The following CNTN5 variants were observed in gnomAD, a reference collection of about 807,000 sequenced individuals.
CNTN5 encodes the protein contactin 5.
CNTN5 carries 77 observed loss-of-function variants against 129.1 expected under a neutral mutation model. That is an observed-to-expected ratio of 0.60 (90% CI 0.50 to 0.72). The LOEUF (loss-of-function observed/expected upper bound fraction) is 0.72. Ranked by LOEUF, CNTN5 falls within the 30% of genes least tolerant of loss-of-function variation. The probability of loss-of-function intolerance (pLI) is 0.00; values close to 1 mark genes in which losing one functional copy is unlikely to be tolerated. For missense variants in CNTN5, 1,478 were observed against 1,328.8 expected (o/e 1.11, Z -1.75); for synonymous variants, 509 against 465.6 (o/e 1.09, Z -1.20).
intron 1 of CNTN5, among the ~76,000 whole-genome samples, chr11:99,079,990 T>C (rs1441135882): frequency 6.6e-6 from 1 of 152,198 alleles, no homozygotes; most frequent in Non-Finnish European, 1.5e-5. Context: ...AGGAACAGAG[T>C]ACTGTTATGC....
At chr11:99,526,697 G>A (rs937789662) in intron 2 of CNTN5, among the ~76,000 whole-genome samples, 7 of 152,202 alleles carry the variant, frequency 4.6e-5, no homozygotes, top group African/African-American at 1.7e-4. Context: ...TATACAAGGT[G>A]TGGCATCGAA....
chr11:100,074,346 C>G lies in CNTN5; in HGVS notation c.1580+52C>G, dbSNP rs1944043557. 2.8e-6 allele frequency: 4 copies of G among 1,414,986 alleles called. No individual in the cohort carries two copies. The South Asian group carries it at 3.8e-5, about 13-fold the overall frequency. The allele number at this position is 1,414,986 out of a possible 1,614,324, so 87.7% of individuals were successfully genotyped here. ...TCAACATTAGACTTTTTTGAGGTTACAGGTGACACACACAAACTATGCAAG... is the reference window on the plus strand; with the variant it reads ...TCAACATTAGACTTTTTTGAGGTTAGAGGTGACACACACAAACTATGCAAG... On this transcript the variant is annotated intron_variant, in intron 13 of 24. Coordinates refer to ENST00000524871, the MANE Select transcript of CNTN5 (RefSeq NM_014361.4).
intron 1 of CNTN5, among the ~76,000 whole-genome samples, chr11:99,090,509 C>A (rs1170923413): frequency 6.6e-6 from 1 of 151,990 alleles, no homozygotes; most frequent in African/African-American, 2.4e-5. Context: ...ATTTGCTTAT[C>A]AGATCATGTG....
intron 13 of CNTN5, among the ~76,000 whole-genome samples, chr11:100,135,726 A>G (rs1005776277): frequency 4.6e-5 from 7 of 152,154 alleles, no homozygotes; most frequent in African/African-American, 1.7e-4. Context: ...TATTGGTGAC[A>G]ATTTTAACTG....
chr11:99,475,796 T>C (rs1945348282), intron 2 of CNTN5, among the ~76,000 whole-genome samples: 1 of 151,954 alleles, frequency 6.6e-6, no homozygotes, highest in Non-Finnish European at 1.5e-5. Context: ...TTTTTTTTCG[T>C]TTTTGGATGG....
chr11:99,625,149 G>A (rs1376535892), intron 3 of CNTN5, among the ~76,000 whole-genome samples: 1 of 152,148 alleles, frequency 6.6e-6, no homozygotes, highest in Admixed American at 6.6e-5. Flanking sequence ...TAGATTAAGT[G>A]CCTTTTTCTT....
Position 99,096,985 on chromosome 11 carries a change from A to G in CNTN5, c.-210+75715A>G, listed in dbSNP as rs571174353. On this transcript the variant is annotated intron_variant, in intron 1 of 24. Coordinates refer to ENST00000524871, the MANE Select transcript of CNTN5 (RefSeq NM_014361.4). ...TATAAGAATTTAAAATCACAATCAT[A>G]TCTGTTGTGTATGTGTATACAGTGC... 3.9e-5 allele frequency among the ~76,000 whole-genome samples: 6 copies of G among 152,026 alleles called. No individual in the cohort carries two copies. The South Asian group carries it at 1.0e-3, about 26-fold the overall frequency.
chr11:99,141,477 G>C (rs1859511071), intron 1 of CNTN5, among the ~76,000 whole-genome samples: 1 of 151,842 alleles, frequency 6.6e-6, no homozygotes, highest in African/African-American at 2.4e-5. Context: ...GGATTTCATT[G>C]ATCTTTTGTA....
chr11:99,665,559 C>T (rs557655750), intron 3 of CNTN5, among the ~76,000 whole-genome samples: 1 of 140,632 alleles, frequency 7.1e-6, no homozygotes, highest in Non-Finnish European at 1.5e-5. Context: ...GATCTTGGCT[C>T]ACTGCAACCT....
At chr11:99,416,440 C>G (rs1591648683) in intron 2 of CNTN5, among the ~76,000 whole-genome samples, 2 of 152,094 alleles carry the variant, frequency 1.3e-5, no homozygotes, top group African/African-American at 4.8e-5. Context: ...ATCACCATGC[C>G]TGGCTAATTT....
At chr11:99,077,114 A>G (rs866233042) in intron 1 of CNTN5, among the ~76,000 whole-genome samples, 1 of 146,862 alleles carries the variant, frequency 6.8e-6, no homozygotes, top group Admixed American at 6.8e-5. Context: ...TATTGAGTTT[A>G]TGTGGTCTTC....
intron 1 of CNTN5, among the ~76,000 whole-genome samples, chr11:99,269,676 A>G (rs1206488100): frequency 1.3e-5 from 2 of 151,698 alleles, no homozygotes; most frequent in African/African-American, 4.8e-5. Flanking sequence ...TTTTCAATCT[A>G]GGAGTCTACA....
chr11:100,327,836 A>C (rs1238612362), intron 21 of CNTN5, among the ~76,000 whole-genome samples: 5 of 152,184 alleles, frequency 3.3e-5, no homozygotes, highest in African/African-American at 1.2e-4. Context: ...ATTAATAGAA[A>C]GACAAAATTT....
chr11:99,663,936 T>C (rs1952691119), intron 3 of CNTN5, among the ~76,000 whole-genome samples: 1 of 152,178 alleles, frequency 6.6e-6, no homozygotes. Flanking sequence ...TCAAAAATTA[T>C]TAATGGGGAA....
intron 3 of CNTN5, among the ~76,000 whole-genome samples, chr11:99,619,461 C>T (rs997842566): frequency 3.3e-5 from 5 of 152,030 alleles, no homozygotes; most frequent in Non-Finnish European, 7.4e-5. Flanking sequence ...TATAAAATTG[C>T]TTCCATTTCA....
chr11:100,287,865 C>T (rs1481889514), intron 18 of CNTN5, among the ~76,000 whole-genome samples: 2 of 152,128 alleles, frequency 1.3e-5, no homozygotes, highest in Non-Finnish European at 2.9e-5. Context: ...GGAAACCCAT[C>T]TCACGTGCAG....
rs980197434 is a variant in CNTN5 at position 100,308,348 on chromosome 11, C to A, written c.2621-11C>A. ...ACTTTTTATAATTGTGGTTTATTTTCCTTCATACAGAACCCAGTGCTGCTC... is the reference window on the plus strand; with the variant it reads ...ACTTTTTATAATTGTGGTTTATTTTACTTCATACAGAACCCAGTGCTGCTC... On this transcript the variant is annotated splice_polypyrimidine_tract_variant and intron_variant, in intron 20 of 24. Coordinates refer to ENST00000524871, the MANE Select transcript of CNTN5 (RefSeq NM_014361.4). 6.2e-7 allele frequency: 1 copy of A among 1,604,274 alleles called. No homozygotes were observed. The highest frequency in any genetic ancestry group is 1.7e-5 in the Admixed American group (1 of 58,314).
chr11:99,739,662 AG>A (rs1185608967), intron 3 of CNTN5, among the ~76,000 whole-genome samples: 2 of 152,130 alleles, frequency 1.3e-5, no homozygotes, highest in African/African-American at 4.8e-5. Context: ...ATTATACAAC[AG>A]TGCCCCCTGA....
intron 13 of CNTN5, among the ~76,000 whole-genome samples, chr11:100,185,323 G>T (rs1345931013): frequency 6.6e-6 from 1 of 151,836 alleles, no homozygotes. Flanking sequence ...TGCAACTATT[G>T]TGACACACCC....
Sources: gnomAD v4.1 joint callset for allele counts (sites outside exome capture counted in the v4.1 genomes callset) on GRCh38, gnomAD v4.1.1 for gene constraint, MANE v1.5 for transcripts, NCBI Gene and HGNC (gene_info 2026-07-23, HGNC 2026-07-21) for gene names.